Variants in UBE4B observed in about 807,000 individuals in gnomAD.
UBE4B encodes ubiquitination factor E4B, also known as ubiquitin conjugation factor E4 B.
In UBE4B, 27 loss-of-function variants were observed where a neutral mutation model predicts 148.1. That is an observed-to-expected ratio of 0.18 (90% confidence interval 0.13 to 0.25). The LOEUF is 0.25. Ranked by LOEUF, UBE4B falls within the 10% of genes least tolerant of loss-of-function variation. UBE4B has a pLI of 1.00. For synonymous variants in UBE4B, 596 were observed against 619.3 expected (o/e 0.96, Z 0.56); for missense variants, 1,170 against 1,662.4 (o/e 0.70, Z 5.15).
intron 23 of UBE4B, among the ~76,000 whole-genome samples, chr1:10,162,076 G>A (rs1193228238): frequency 6.8e-6 from 1 of 147,912 alleles, no homozygotes; most frequent in African/African-American, 2.5e-5. Flanking sequence ...TCTTCTCACT[G>A]CAATCCCCGC....
chr1:10,171,553 G>T (rs1325318367), intron 25 of UBE4B, among the ~76,000 whole-genome samples: 1 of 152,230 alleles, frequency 6.6e-6, no homozygotes, highest in Non-Finnish European at 1.5e-5. Context: ...AGTGAGCCGT[G>T]ATTGCACCAC....
At position 10,151,468 on chromosome 1, in the gene UBE4B, G is replaced by A. The variant is rs751886108; in HGVS notation, c.2833G>A (p.Val945Ile). 4 of 1,614,142 alleles carry A rather than the reference G, an allele frequency of 2.5e-6. No homozygotes were observed. The Admixed American group carries it at 6.7e-5, about 27-fold the overall frequency. Residue 945 changes from valine to isoleucine, a missense_variant, in exon 21 of 28, where the codon GTT becomes ATT. Physicochemically the swap from Val to Ile is conservative, Grantham distance 29 (BLOSUM62 3). Transcript: ENST00000343090. The stretch of plus-strand genomic sequence containing the variant: ...AGTCATGTTTATGACCAACCCTGCT[G>A]TTCAGCCACGAACCCAGAAGTTTTT... The part of the protein sequence containing the change: ...VEVMFMTNPA[V>I]QPRTQKFFEM...
chr1:10,035,180 G>T (rs1404909285), intron 1 of UBE4B, among the ~76,000 whole-genome samples: 1 of 148,580 alleles, frequency 6.7e-6, no homozygotes, highest in Non-Finnish European at 1.5e-5. Context: ...TGTATTTTTA[G>T]TAGAGATGGG....
intron 2 of UBE4B, 62 bp from the exon 3 acceptor site, chr1:10,095,399 A>G: frequency 1.9e-6 from 3 of 1,598,088 alleles, no homozygotes; most frequent in African/African-American, 1.3e-5. Context: ...TACTGTCGCT[A>G]TTACAAATAA....
intron 20 of UBE4B, 73 bp from the exon 21 acceptor site, chr1:10,151,253 C>T: frequency 7.0e-7 from 1 of 1,420,864 alleles, no homozygotes; most frequent in Admixed American, 1.8e-5. Context: ...TTACTGACAC[C>T]AGCCTTCACC....
At chr1:10,152,123 G>A (rs546486851) in intron 21 of UBE4B, among the ~76,000 whole-genome samples, 7 of 151,854 alleles carry the variant, frequency 4.6e-5, no homozygotes, top group African/African-American at 7.2e-5. Flanking sequence ...TAAATTAGCC[G>A]GGCATGGTTG....
At chr1:10,151,630 C>T (rs960949563) in intron 21 of UBE4B, 69 bp downstream of exon 21, 24 of 1,362,926 alleles carry the variant, frequency 1.8e-5, no homozygotes, top group Non-Finnish European at 2.4e-5. Flanking sequence ...AGCTAGTGGA[C>T]GACGTTGCTC....
intron 7 of UBE4B, 83 bp from the exon 8 acceptor site, chr1:10,117,376 C>G: frequency 1.9e-6 from 3 of 1,580,400 alleles, no homozygotes; most frequent in Non-Finnish European, 2.6e-6. Flanking sequence ...GGGATCCTAA[C>G]AGGCTTTCTG....
chr1:10,171,639 T>C (rs913930604), intron 25 of UBE4B, among the ~76,000 whole-genome samples: 2 of 152,164 alleles, frequency 1.3e-5, no homozygotes, highest in Non-Finnish European at 2.9e-5. Context: ...CCCAACACTT[T>C]GGGAGGTCGA....
chr1:10,043,308 C>T (rs1639451473), intron 1 of UBE4B, among the ~76,000 whole-genome samples: 1 of 151,606 alleles, frequency 6.6e-6, no homozygotes, highest in South Asian at 2.1e-4. Context: ...CGCACCCGGC[C>T]AACTTTCAGT....
At position 10,034,627 on chromosome 1, in the gene UBE4B, C is replaced by G. The variant is rs563449059; in HGVS notation, c.24+933C>G. ...CCCTCTTTAGCCTACCTCCACATTT[C>G]TTCACTGGTTCATCATGTAAACTTC... On this transcript the variant is annotated intron_variant, in intron 1 of 27. Coordinates refer to ENST00000343090, the MANE Select transcript of UBE4B (RefSeq NM_001105562.3). Among the ~76,000 whole-genome samples, 207 of 152,284 alleles carry G rather than the reference C, an allele frequency of 1.4e-3. 1 individual carries two copies. Among genetic ancestry groups the G allele is most frequent in the Non-Finnish European group, 2.5e-3 (171 of 68,018 alleles).
chr1:10,180,177 C>A lies in UBE4B; in HGVS notation c.*221C>A. The stretch of plus-strand genomic sequence containing the variant: ...TTTAAGTGACAAACACGGTCAAAAG[C>A]TTAAGGGACAGGTTTTATGGTTGCT... On this transcript the variant is annotated 3_prime_UTR_variant, in exon 28 of 28. Transcript: ENST00000343090. The A allele has an allele frequency of 1.7e-6, 1 of 584,600 alleles. No individual in the cohort carries two copies. Among genetic ancestry groups the A allele is most frequent in the Non-Finnish European group, 3.0e-6 (1 of 330,032 alleles). 36.2% of individuals were successfully genotyped at this position (584,600 alleles called of 1,614,324 possible).
At chr1:10,095,130 A>G (rs941240419) in intron 2 of UBE4B, among the ~76,000 whole-genome samples, 1 of 152,158 alleles carries the variant, frequency 6.6e-6, no homozygotes, top group Non-Finnish European at 1.5e-5. Flanking sequence ...TTTCTGGACT[A>G]TCATGGAAGT....
At chr1:10,054,466 G>T in intron 1 of UBE4B, 3 of 424,702 alleles carry the variant, frequency 7.1e-6, no homozygotes, top group Non-Finnish European at 9.1e-6. Context: ...TAGGTAATAG[G>T]TTCCAGCAGC....
At chr1:10,111,840 C>T (rs372767736) in intron 7 of UBE4B, among the ~76,000 whole-genome samples, 3 of 151,988 alleles carry the variant, frequency 2.0e-5, no homozygotes, top group African/African-American at 7.2e-5. Context: ...GCCTATAATC[C>T]CAGCTACTAG....
At chr1:10,179,772 A>C in intron 27 of UBE4B, 123 bp from the exon 28 acceptor site, 2 of 1,386,232 alleles carry the variant, frequency 1.4e-6, no homozygotes, top group Non-Finnish European at 2.0e-6. Context: ...GTCCTTCTGG[A>C]GTCTTCGGCT....
rs559863751 is a variant in UBE4B, at chr1:10,091,516, C to T, written c.212-3945C>T. ...CTGGAGTGCAGTGGTATGATTATAG[C>T]CCACTGCAGCTTCTAATTCCTGGGC... On this transcript the variant is annotated intron_variant, in intron 2 of 27. Transcript: ENST00000343090. 4.8e-4 allele frequency among the ~76,000 whole-genome samples: 73 copies of T among 152,180 alleles called. 2 individuals are homozygous for T. Among genetic ancestry groups the T allele is most frequent in the African/African-American group, 1.6e-3 (67 of 41,540 alleles).
intron 1 of UBE4B, among the ~76,000 whole-genome samples, chr1:10,063,165 G>C (rs543856909): frequency 6.6e-6 from 1 of 152,284 alleles, no homozygotes; most frequent in Non-Finnish European, 1.5e-5. Flanking sequence ...CCACTGGGGA[G>C]GCTGAGGCAG....
chr1:10,163,953 C>G (rs1022864469), intron 23 of UBE4B, among the ~76,000 whole-genome samples: 1 of 151,444 alleles, frequency 6.6e-6, no homozygotes, highest in African/African-American at 2.4e-5. Context: ...TCTTGAACTC[C>G]TGGCCTCAAG....
Sources: gnomAD v4.1 joint callset for allele counts (sites outside exome capture counted in the v4.1 genomes callset) on GRCh38, gnomAD v4.1.1 for gene constraint, MANE v1.5 for transcripts, NCBI Gene and HGNC (gene_info 2026-07-23, HGNC 2026-07-21) for gene names.